Variants in MMP26 observed in about 807,000 individuals in gnomAD.
MMP26 encodes the protein matrix metallopeptidase 26.
In MMP26, 33 loss-of-function variants were observed where a neutral mutation model predicts 31.0. The observed-to-expected ratio is 1.06, with a 90% confidence interval of 0.81 to 1.42. The LOEUF (loss-of-function observed/expected upper bound fraction) is 1.42, where lower values mean the gene tolerates loss of function less well. MMP26 is among the 40% of genes most tolerant of loss of function. The pLI is 0.00. For synonymous variants in MMP26, 122 were observed against 114.9 expected (o/e 1.06, Z -0.40); for missense variants, 347 against 316.1 (o/e 1.10, Z -0.74).
At chr11:4,923,636 T>C in intron 2 of MMP26, 1 of 1,613,752 alleles carries the variant, frequency 6.2e-7, no homozygotes, top group Non-Finnish European at 8.5e-7. Context: ...TCGGAGTCGC[T>C]CCTGGTGGGA....
At chr11:4,743,293 C>A (rs187016875) in intron 1 of MMP26, among the ~76,000 whole-genome samples, 81 of 152,150 alleles carry the variant, frequency 5.3e-4, no homozygotes, top group Admixed American at 1.1e-3. Context: ...ATGTTTGTTA[C>A]TCTATTTAAA....
intron 2 of MMP26, chr11:4,821,318 A>G (rs2133471313): frequency 8.0e-7 from 1 of 1,251,040 alleles, no homozygotes; most frequent in Non-Finnish European, 1.1e-6. Flanking sequence ...AGAAATAATA[A>G]CTCAGTGAAT....
At chr11:4,952,941 CCTGAGGATGAAGTGTAGGAGA>C (rs1846388640) in intron 2 of MMP26, among the ~76,000 whole-genome samples, 1 of 122,980 alleles carries the variant, frequency 8.1e-6, no homozygotes, top group Admixed American at 9.1e-5. Context: ...TCTTGATTTA[CCTGAGGATGAAGTGTAGGAGA>C]CTTGAACTGG....
At chr11:4,710,539 A>G (rs7946558) in intron 1 of MMP26, 4,104 of 397,440 alleles carry the variant, frequency 0.01, 178 homozygotes, top group African/African-American at 0.078. Context: ...CTCCTTCTTT[A>G]CCAAGTCTTC....
chr11:4,976,728 A>G (rs1846742184), intron 2 of MMP26, among the ~76,000 whole-genome samples: 1 of 152,076 alleles, frequency 6.6e-6, no homozygotes, highest in Non-Finnish European at 1.5e-5. Context: ...GAGACCTTAA[A>G]TAAGAGTGGA....
intron 2 of MMP26, among the ~76,000 whole-genome samples, chr11:4,772,283 T>C (rs1181042963): frequency 6.6e-6 from 1 of 152,184 alleles, no homozygotes; most frequent in Non-Finnish European, 1.5e-5. Context: ...ATTTACACAC[T>C]GTTCATAGCA....
At chr11:4,843,790 T>C (rs1334742964) in intron 2 of MMP26, among the ~76,000 whole-genome samples, 2 of 152,250 alleles carry the variant, frequency 1.3e-5, no homozygotes, top group African/African-American at 2.4e-5. Flanking sequence ...GCCTACCACA[T>C]GGTCAGGCTG....
Position 4,990,564 on chromosome 11 carries a change from C to T in MMP26, c.321-34C>T, listed in dbSNP as rs201138416. Reference sequence around the variant, plus strand: ...TAGAGCTAGGATAATTCCCATTCCTCTGAACTATTTCATTTAGAGATTGCT... The same window carrying T: ...TAGAGCTAGGATAATTCCCATTCCTTTGAACTATTTCATTTAGAGATTGCT... On this transcript the variant is annotated intron_variant, in intron 4 of 7. Coordinates refer to ENST00000380390, the MANE Select transcript of MMP26 (RefSeq NM_021801.5). 427 of 1,589,440 alleles carry T rather than the reference C, an allele frequency of 2.7e-4. 2 individuals are homozygous for T. The Middle Eastern group carries it at 5.4e-3, about 20-fold the overall frequency.
Position 4,723,443 on chromosome 11 carries a change from T to TCTG in MMP26, c.-217+18398_-217+18399insCTG. Reference sequence around the variant, plus strand: ...ATGTCCAGGGAGCGGCTGCTGTCCATGGACAGCACCACAGATGTGTCCGAA... The same window carrying TCTG: ...ATGTCCAGGGAGCGGCTGCTGTCCATCTGGGACAGCACCACAGATGTGTCCGAA... On this transcript the variant is annotated intron_variant, in intron 1 of 7. Coordinates refer to ENST00000380390, the MANE Select transcript of MMP26 (RefSeq NM_021801.5). 3 of 1,031,572 alleles carry TCTG rather than the reference T, an allele frequency of 2.9e-6. 1 individual carries two copies. Among genetic ancestry groups the TCTG allele is most frequent in the East Asian group, 2.4e-5 (1 of 42,110 alleles). 63.9% of individuals were successfully genotyped at this position (1,031,572 alleles called of 1,614,324 possible).
At chr11:4,950,446 A>T (rs1220684735) in intron 2 of MMP26, among the ~76,000 whole-genome samples, 1 of 121,178 alleles carries the variant, frequency 8.3e-6, no homozygotes, top group African/African-American at 2.8e-5. Flanking sequence ...CAAACACTGC[A>T]TGTTCTCACT....
At chr11:4,908,006 A>G (rs1401260565) in intron 2 of MMP26, 9 of 1,613,976 alleles carry the variant, frequency 5.6e-6, no homozygotes, top group African/African-American at 1.3e-5. Flanking sequence ...CTTGGCACTG[A>G]TTGTTTTGTC....
chr11:4,788,579 G>C (rs1322676868), intron 2 of MMP26, among the ~76,000 whole-genome samples: 1 of 152,036 alleles, frequency 6.6e-6, no homozygotes, highest in Non-Finnish European at 1.5e-5. Flanking sequence ...ATCCAAAGAA[G>C]CATTAATTTT....
intron 2 of MMP26, among the ~76,000 whole-genome samples, chr11:4,789,622 C>G (rs1262335858): frequency 7.5e-6 from 1 of 133,340 alleles, no homozygotes; most frequent in Non-Finnish European, 1.6e-5. Flanking sequence ...CTCACTGCAA[C>G]CTCTGCCTCC....
At chr11:4,821,630 C>T in intron 2 of MMP26, 3 of 1,614,008 alleles carry the variant, frequency 1.9e-6, no homozygotes, top group Non-Finnish European at 8.5e-7. Flanking sequence ...ATGCTTTCAG[C>T]CACAGACCTG....
At chr11:4,765,824 C>G (rs531905555) in intron 1 of MMP26, among the ~76,000 whole-genome samples, 24 of 152,308 alleles carry the variant, frequency 1.6e-4, no homozygotes, top group Non-Finnish European at 2.9e-4. Flanking sequence ...TATGGTGAGT[C>G]TTCCATCTTT....
At chr11:4,951,887 G>A (rs1223714750) in intron 2 of MMP26, among the ~76,000 whole-genome samples, 2 of 124,776 alleles carry the variant, frequency 1.6e-5, no homozygotes, top group Non-Finnish European at 3.6e-5. Context: ...AGCAAACTAC[G>A]TGGGTTAGTT....
At chr11:4,831,606 C>A (rs1221351387) in intron 2 of MMP26, among the ~76,000 whole-genome samples, 1 of 152,162 alleles carries the variant, frequency 6.6e-6, no homozygotes, top group Non-Finnish European at 1.5e-5. Flanking sequence ...CTCTGCATTA[C>A]AGTTTGCCAC....
At chr11:4,783,509 G>A (rs1848894000) in intron 2 of MMP26, among the ~76,000 whole-genome samples, 1 of 152,132 alleles carries the variant, frequency 6.6e-6, no homozygotes, top group Non-Finnish European at 1.5e-5. Context: ...GCCTTGTCTT[G>A]GATGAGACTT....
intron 2 of MMP26, among the ~76,000 whole-genome samples, chr11:4,782,355 C>G (rs1382265876): frequency 2.0e-5 from 3 of 152,168 alleles, no homozygotes; most frequent in Non-Finnish European, 4.4e-5. Flanking sequence ...AGCAAAAAGA[C>G]TGGTGGTAAT....
Sources: gnomAD v4.1 joint callset for allele counts (sites outside exome capture counted in the v4.1 genomes callset) on GRCh38, gnomAD v4.1.1 for gene constraint, MANE v1.5 for transcripts, NCBI Gene and HGNC (gene_info 2026-07-23, HGNC 2026-07-21) for gene names.